The following MOG variants were observed in gnomAD, a reference collection of about 807,000 sequenced individuals.
MOG encodes myelin oligodendrocyte glycoprotein.
A neutral mutation model predicts 35.9 loss-of-function variants in MOG; 20 were observed. The ratio of observed to expected loss-of-function variants is 0.56; its 90% CI spans 0.39 to 0.81. The LOEUF (loss-of-function observed/expected upper bound fraction) is 0.81, where lower values mean the gene tolerates loss of function less well. Ranked by LOEUF, MOG falls within the 30% of genes least tolerant of loss-of-function variation. The pLI, the probability that MOG is intolerant of heterozygous loss-of-function variation, is 0.00. For missense variants in MOG, 251 were observed against 301.0 expected (o/e 0.83, Z 1.23); for synonymous variants, 92 against 114.3 (o/e 0.80, Z 1.25).
rs1769199658 is a variant in MOG, at chr6:29,662,983, A to T, written c.437-3169A>T. Among the ~76,000 whole-genome samples, 1 of 152,146 alleles carries T rather than the reference A, an allele frequency of 6.6e-6. No homozygotes were observed. The highest frequency in any genetic ancestry group is 1.5e-5 in the Non-Finnish European group (1 of 68,024). The stretch of plus-strand genomic sequence containing the variant: ...CAGCGAAGAACACTTTTTAAAAAAT[A>T]AATAGGCCGGGCGCGGTGGCTCACA... On this transcript the variant is annotated intron_variant, in intron 2 of 7. Coordinates refer to ENST00000376917, the MANE Select transcript of MOG (RefSeq NM_206809.4). The surrounding 1 kb of genome is among the most constrained non-coding windows in gnomAD (Gnocchi z 4.2).
chr6:29,671,694 G>C lies in MOG; in HGVS notation c.*509G>C. 1.7e-6 allele frequency: 1 copy of C among 594,464 alleles called. No homozygotes were observed. The highest frequency in any genetic ancestry group is 3.0e-6 in the Non-Finnish European group (1 of 335,034). The allele number at this position is 594,464 out of a possible 1,614,324, so 36.8% of individuals were successfully genotyped here. A position where few individuals can be genotyped will look rare whatever the true frequency, so the allele number is the denominator to read the frequency against. On this transcript the variant is annotated 3_prime_UTR_variant, in exon 8 of 8. Coordinates refer to ENST00000376917, the MANE Select transcript of MOG (RefSeq NM_206809.4). ...GAGAGAGCTGAGTGAGCTGAAGAGTGAGGATATGAGTAGCCCCAACCCAAA... is the reference window on the plus strand; with the variant it reads ...GAGAGAGCTGAGTGAGCTGAAGAGTCAGGATATGAGTAGCCCCAACCCAAA...
chr6:29,657,201 A>G lies in MOG; in HGVS notation c.-9A>G, dbSNP rs369069709. On this transcript the variant is annotated 5_prime_UTR_variant, in exon 1 of 8. Transcript: ENST00000376917. ...CTGCGGGGGCTCTCTGTCCCCAGGAACAGTAGAGATGGCAAGCTTATCAAG... is the reference window on the plus strand; with the variant it reads ...CTGCGGGGGCTCTCTGTCCCCAGGAGCAGTAGAGATGGCAAGCTTATCAAG... 164 of 1,600,742 alleles carry G rather than the reference A, an allele frequency of 1.0e-4. No homozygotes were observed. Among genetic ancestry groups the G allele is most frequent in the Non-Finnish European group, 1.4e-4 (161 of 1,169,330 alleles).
intron 3 of MOG, 49 bp from the exon 4 acceptor site, chr6:29,667,594 C>T (rs1422225377): frequency 4.3e-6 from 7 of 1,611,740 alleles, no homozygotes; most frequent in East Asian, 2.2e-5. Context: ...GGGTCCCCAC[C>T]GAGAGCCAGA....
Position 29,670,838 on chromosome 6 carries a change from C to T in MOG, c.730+117C>T. ...TCACATTCCCAGAGGAAAGGAGGAG[C>T]TGGAGAGCCTGGGTGGAGGGAAGAC... On this transcript the variant is annotated intron_variant, in intron 7 of 7. Coordinates refer to ENST00000376917, the MANE Select transcript of MOG (RefSeq NM_206809.4). This position sits in a 1 kb window ranked among gnomAD's most constrained non-coding sequence, Gnocchi z 4.2. 1 of 1,579,730 alleles carries T rather than the reference C, an allele frequency of 6.3e-7. No individual in the cohort carries two copies. The highest frequency in any genetic ancestry group is 8.6e-7 in the Non-Finnish European group (1 of 1,161,798).
At chr6:29,671,041 C>T (rs924028038) in intron 7 of MOG, 131 bp from the exon 8 acceptor site, 1 of 1,612,006 alleles carries the variant, frequency 6.2e-7, no homozygotes, top group South Asian at 1.1e-5. Context: ...CAGTGCCTCA[C>T]CTCTCAGATC....
intron 5 of MOG, among the ~76,000 whole-genome samples, chr6:29,669,425 GAACTAC>G (rs1770970784): frequency 6.6e-6 from 1 of 151,372 alleles, no homozygotes; most frequent in South Asian, 2.1e-4. Flanking sequence ...CAAGTTGCTG[GAACTAC>G]AGGCGCATGC....
In MOG at chr6:29,659,410, C is replaced by T. The variant is rs200795840; in HGVS notation, c.180C>T (p.Asn60=). 477 of 1,612,986 alleles carry T rather than the reference C, an allele frequency of 3.0e-4. 7 individuals are homozygous for T. In the South Asian group the frequency reaches 4.6e-3, roughly 16 times the overall value. ...ELPCRISPGK[N]ATGMEVGWYR... is the part of the protein sequence containing the mutation. ...CATGTCGCATATCTCCTGGGAAGAA[C>T]GCTACAGGCATGGAGGTGGGGTGGT... Residue 60 remains asparagine (N), a synonymous_variant, in exon 2 of 8, where the codon AAC becomes AAT. Coordinates refer to ENST00000376917, the MANE Select transcript of MOG (RefSeq NM_206809.4).
In MOG at chr6:29,670,343, G is replaced by A; in HGVS notation, c.655G>A (p.Gly219Arg). The change falls in exon 6 of 8, where the codon GGA (glycine) becomes AGA (arginine). Residue 219 changes from glycine (G) to arginine (R), a missense_variant. Gly to Arg is a moderately radical substitution (Grantham distance 125). Transcript: ENST00000376917. This position sits in a 1 kb window ranked among gnomAD's most constrained non-coding sequence, Gnocchi z 4.2. ...ITLFVIVPVL[G>R]PLVALIICYN... ...CCTGTTTGTAATTGTGCCGGTTCTT[G>A]GACCCTTGGTTGCCTTGATCATCTG... 6.2e-7 allele frequency: 1 copy of A among 1,614,158 alleles called. No individual in the cohort carries two copies. Among genetic ancestry groups the A allele is most frequent in the Non-Finnish European group, 8.5e-7 (1 of 1,180,038 alleles).
intron 2 of MOG, chr6:29,661,870 CTT>C: frequency 1.0e-6 from 1 of 969,574 alleles, no homozygotes; most frequent in South Asian, 4.8e-5. Flanking sequence ...CAGCTAAAGA[CTT>C]TGCCTCAGGG....
At position 29,662,107 on chromosome 6, in the gene MOG, T is replaced by C. The variant is rs1203865999; in HGVS notation, c.436+2441T>C. The C allele has an allele frequency of 1.0e-6, 1 of 985,108 alleles. No homozygotes were observed. The highest frequency in any genetic ancestry group is 1.2e-6 in the Non-Finnish European group (1 of 829,752). 61.0% of individuals were successfully genotyped at this position (985,108 alleles called of 1,614,324 possible). ...TCTCTGAAGAGTTTCTAATTTCTCTTGTTTACTTATTTTTTTCTTGTCATT... is the reference window on the plus strand; with the variant it reads ...TCTCTGAAGAGTTTCTAATTTCTCTCGTTTACTTATTTTTTTCTTGTCATT... On this transcript the variant is annotated intron_variant, in intron 2 of 7. Transcript: ENST00000376917. The surrounding 1 kb of genome is among the most constrained non-coding windows in gnomAD (Gnocchi z 4.2).
At chr6:29,664,369 G>A (rs1769682752) in intron 2 of MOG, among the ~76,000 whole-genome samples, 1 of 151,806 alleles carries the variant, frequency 6.6e-6, no homozygotes, top group Admixed American at 6.6e-5. Flanking sequence ...ACCATGTCTG[G>A]CTAATTTTTG....
At position 29,662,656 on chromosome 6, in the gene MOG, T is replaced by TC. The variant is rs369890263; in HGVS notation, c.436+2991dup. Among the ~76,000 whole-genome samples the TC allele has an allele frequency of 1.1e-3, 171 of 152,144 alleles. 1 individual carries two copies. The highest frequency in any genetic ancestry group is 3.7e-3 in the African/African-American group (153 of 41,504). ...GTAAATCCTAGGCAGCATGATCATT[T>TC]CTTTTTTTTCTTTTTATTTATTTTG... is the stretch of plus-strand genomic sequence containing the variant. On this transcript the variant is annotated intron_variant, in intron 2 of 7. Coordinates refer to ENST00000376917, the MANE Select transcript of MOG (RefSeq NM_206809.4). The surrounding 1 kb of genome is among the most constrained non-coding windows in gnomAD (Gnocchi z 4.2).
chr6:29,666,384 T>C (rs757319709), intron 3 of MOG, 119 bp downstream of exon 3: 27 of 664,416 alleles, frequency 4.1e-5, no homozygotes, highest in Non-Finnish European at 6.7e-5. Flanking sequence ...CTTCTCACTA[T>C]TGAGTGATAA....
At chr6:29,671,079 A>G (rs1166309334) in intron 7 of MOG, 93 bp from the exon 8 acceptor site, 1 of 1,612,650 alleles carries the variant, frequency 6.2e-7, no homozygotes. Context: ...TGGAGACAAG[A>G]TGACCCCAAG....
chr6:29,666,348 G>T, intron 3 of MOG, 83 bp downstream of exon 3: 1 of 805,850 alleles, frequency 1.2e-6, no homozygotes. Context: ...ACATGTATTT[G>T]TGAGTGACTT....
In MOG at chr6:29,670,547, CTTCTGAGAA is replaced by C; in HGVS notation, c.709+151_710-145del. ...CTGTCCCCATGCCCAACCCCAGGCT[CTTCTGAGAA>C]ACTGTGAAGAGAACCACTTACTGGA... On this transcript the variant is annotated intron_variant, in intron 6 of 7. Coordinates refer to ENST00000376917, the MANE Select transcript of MOG (RefSeq NM_206809.4). The surrounding 1 kb of genome is among the most constrained non-coding windows in gnomAD (Gnocchi z 4.2). 2 of 1,541,658 alleles carry C rather than the reference CTTCTGAGAA, an allele frequency of 1.3e-6. No homozygotes were observed. Among genetic ancestry groups the C allele is most frequent in the East Asian group, 4.5e-5 (2 of 44,326 alleles).
At position 29,670,090 on chromosome 6, in the gene MOG, G is replaced by T; in HGVS notation, c.593-191G>T. On this transcript the variant is annotated intron_variant, in intron 5 of 7. Transcript: ENST00000376917. This position sits in a 1 kb window ranked among gnomAD's most constrained non-coding sequence, Gnocchi z 4.2. ...GGCAGTTGTTACATTTTTAATGAAA[G>T]AAAATGTTAAATCCAGTTATTGAAA... is the stretch of plus-strand genomic sequence containing the variant. 3.0e-6 allele frequency: 3 copies of T among 998,690 alleles called. No individual in the cohort carries two copies. Among genetic ancestry groups the T allele is most frequent in the Non-Finnish European group, 4.7e-6 (3 of 633,520 alleles). 61.9% of individuals were successfully genotyped at this position (998,690 alleles called of 1,614,324 possible).
At chr6:29,671,111 A>C (rs1771377374) in intron 7 of MOG, 61 bp from the exon 8 acceptor site, 4 of 1,612,892 alleles carry the variant, frequency 2.5e-6, no homozygotes, top group Non-Finnish European at 3.4e-6. Context: ...TCCCTAGTTC[A>C]ATGGTTTTAT....
chr6:29,670,438 G>C lies in MOG; in HGVS notation c.709+41G>C, dbSNP rs1771212753. On this transcript the variant is annotated intron_variant, in intron 6 of 7. Coordinates refer to ENST00000376917, the MANE Select transcript of MOG (RefSeq NM_206809.4). The surrounding 1 kb of genome is among the most constrained non-coding windows in gnomAD (Gnocchi z 4.2). ...AGCAGGCAAGACCACCAAATAGTGGGGGACCAAGTCAGCTCTGAATGGGAA... is the reference window on the plus strand; with the variant it reads ...AGCAGGCAAGACCACCAAATAGTGGCGGACCAAGTCAGCTCTGAATGGGAA... The C allele has an allele frequency of 6.3e-7, 1 of 1,591,612 alleles. No homozygotes were observed. The highest frequency in any genetic ancestry group is 8.6e-7 in the Non-Finnish European group (1 of 1,160,304).
Sources: gnomAD v4.1 joint callset for allele counts (sites outside exome capture counted in the v4.1 genomes callset) on GRCh38, gnomAD v4.1.1 for gene constraint, Gnocchi (gnomAD v3.1) non-coding constraint, MANE v1.5 for transcripts, NCBI Gene and HGNC (gene_info 2026-07-23, HGNC 2026-07-21) for gene names.